IL1RAPL1: variants seen among roughly 807,000 people sequenced by gnomAD.
The protein encoded by IL1RAPL1 is interleukin 1 receptor accessory protein like 1.
A neutral mutation model predicts 48.4 loss-of-function variants in IL1RAPL1; 3 were observed. The observed-to-expected ratio is 0.06, with a 90% confidence interval of 0.03 to 0.16. The LOEUF is 0.16. Among genes scored for constraint, IL1RAPL1 ranks in the 10% least tolerant of loss-of-function variants. The pLI, the probability that IL1RAPL1 is intolerant of heterozygous loss-of-function variation, is 1.00. For synonymous variants in IL1RAPL1, 185 were observed against 187.7 expected, an observed-to-expected ratio of 0.99 and a Z score of 0.12; for missense variants, 349 against 530.6, an observed-to-expected ratio of 0.66 and a Z score of 3.36.
intron 6 of IL1RAPL1, among the ~76,000 whole-genome samples, chrX:29,857,601 C>G (rs1230222492): frequency 4.5e-5 from 5 of 111,912 alleles, no homozygotes; most frequent in Admixed American, 9.5e-5. Flanking sequence ...AAATTGAATA[C>G]CTTGCAAGGG....
chrX:29,748,243 C>T (rs937718990), intron 6 of IL1RAPL1, among the ~76,000 whole-genome samples: 16 of 111,896 alleles, frequency 1.4e-4, no homozygotes, highest in Non-Finnish European at 2.3e-4. Flanking sequence ...GTATAATGGA[C>T]AGATCATTCA....
At chrX:29,354,732 T>C (rs1443364330) in intron 3 of IL1RAPL1, among the ~76,000 whole-genome samples, 1 of 112,326 alleles carries the variant, frequency 8.9e-6, no homozygotes, top group African/African-American at 3.2e-5. Flanking sequence ...AGTCAAACCA[T>C]CATAAGTCCA....
chrX:28,595,907 A>G (rs1933948168), intron 1 of IL1RAPL1, among the ~76,000 whole-genome samples: 1 of 111,382 alleles, frequency 9.0e-6, no homozygotes, highest in African/African-American at 3.3e-5. Flanking sequence ...AATGCATTCA[A>G]GGGATCTCTA....
At chrX:29,697,453 A>G (rs1288288058) in intron 6 of IL1RAPL1, among the ~76,000 whole-genome samples, 1 of 112,111 alleles carries the variant, frequency 8.9e-6, no homozygotes, top group East Asian at 2.8e-4. Flanking sequence ...TGTTTCCACA[A>G]TGTTTTTAAC....
At chrX:29,420,949 A>G (rs1379663704) in intron 5 of IL1RAPL1, among the ~76,000 whole-genome samples, 1 of 112,111 alleles carries the variant, frequency 8.9e-6, no homozygotes, top group Non-Finnish European at 1.9e-5. Context: ...AATTCTGATG[A>G]TAGGGTTTTC....
intron 3 of IL1RAPL1, among the ~76,000 whole-genome samples, chrX:29,391,667 CT>C (rs1367923008): frequency 2.5e-4 from 28 of 111,662 alleles, no homozygotes; most frequent in African/African-American, 8.8e-4. Flanking sequence ...TTATTTTAGA[CT>C]GTAAAGTAAA....
At chrX:29,908,371 CAA>C (rs1179659537) in intron 6 of IL1RAPL1, among the ~76,000 whole-genome samples, 2 of 79,110 alleles carry the variant, frequency 2.5e-5, no homozygotes, top group African/African-American at 8.4e-5. Context: ...GACCCCATTT[CAA>C]AAATATATAT....
At chrX:29,435,905 T>A (rs975792669) in intron 5 of IL1RAPL1, among the ~76,000 whole-genome samples, 1 of 110,753 alleles carries the variant, frequency 9.0e-6, no homozygotes, top group Non-Finnish European at 1.9e-5. Flanking sequence ...AAGTCTAGTA[T>A]CTAAAGTACT....
intron 1 of IL1RAPL1, among the ~76,000 whole-genome samples, chrX:28,725,232 G>C (rs1316261909): frequency 2.7e-5 from 3 of 110,918 alleles, no homozygotes; most frequent in Non-Finnish European, 5.7e-5. Flanking sequence ...TTACAGGCAT[G>C]AGCCACCATG....
intron 2 of IL1RAPL1, among the ~76,000 whole-genome samples, chrX:28,913,214 G>C (rs1031558683): frequency 9.0e-6 from 1 of 111,605 alleles, no homozygotes; most frequent in Non-Finnish European, 1.9e-5. Flanking sequence ...TGGGTATTTT[G>C]GAGATAATTA....
intron 8 of IL1RAPL1, among the ~76,000 whole-genome samples, chrX:29,932,134 T>TTC (rs1932957706): frequency 8.9e-6 from 1 of 112,183 alleles, no homozygotes; most frequent in Non-Finnish European, 1.9e-5. Context: ...AGATCTGAGA[T>TTC]AAAGGAAGCC....
chrX:29,935,360 G>C (rs1049538509), intron 8 of IL1RAPL1, among the ~76,000 whole-genome samples: 3 of 111,133 alleles, frequency 2.7e-5, no homozygotes, highest in Non-Finnish European at 5.7e-5. Context: ...TTATTATTAT[G>C]ATGGCTGAAA....
At chrX:29,115,284 G>A (rs1014549540) in intron 2 of IL1RAPL1, among the ~76,000 whole-genome samples, 3 of 111,455 alleles carry the variant, frequency 2.7e-5, no homozygotes, top group African/African-American at 9.8e-5. Context: ...ATTTGGAAAC[G>A]TGATTTTTGC....
At chrX:29,049,462 G>A (rs1312737728) in intron 2 of IL1RAPL1, among the ~76,000 whole-genome samples, 12 of 112,205 alleles carry the variant, frequency 1.1e-4, no homozygotes, top group Admixed American at 9.5e-4. Flanking sequence ...TAAGGAGGGT[G>A]AGGTAAGAAG....
At chrX:29,496,633 A>T (rs1935217302) in intron 5 of IL1RAPL1, among the ~76,000 whole-genome samples, 1 of 110,912 alleles carries the variant, frequency 9.0e-6, no homozygotes, top group Non-Finnish European at 1.9e-5. Context: ...TTTTCAGTAT[A>T]AATTACCCAG....
At chrX:29,356,240 A>G (rs1933300078) in intron 3 of IL1RAPL1, among the ~76,000 whole-genome samples, 1 of 110,683 alleles carries the variant, frequency 9.0e-6, no homozygotes, top group Non-Finnish European at 1.9e-5. Flanking sequence ...ATATGTGTGT[A>G]CACGTGTGTA....
At chrX:28,765,830 G>A (rs763619694) in intron 1 of IL1RAPL1, among the ~76,000 whole-genome samples, 2 of 111,987 alleles carry the variant, frequency 1.8e-5, no homozygotes, top group South Asian at 3.7e-4. Flanking sequence ...ACACATGGAC[G>A]TGTTTATTAA....
chrX:29,875,820 C>G (rs1031806880), intron 6 of IL1RAPL1, among the ~76,000 whole-genome samples: 1 of 112,023 alleles, frequency 8.9e-6, no homozygotes, highest in South Asian at 3.8e-4. Flanking sequence ...TGAGTATAAT[C>G]TGACACTTTT....
chrX:29,900,097 CAAACTTCTGCCTGAAA>C (rs898305844), intron 6 of IL1RAPL1, among the ~76,000 whole-genome samples: 2 of 111,408 alleles, frequency 1.8e-5, no homozygotes, highest in African/African-American at 6.5e-5. Flanking sequence ...ACAAGCAGAG[CAAACTTCTGCCTGAAA>C]AACAAGCAGT....
Sources: gnomAD v4.1 joint callset for allele counts (sites outside exome capture counted in the v4.1 genomes callset) on GRCh38, gnomAD v4.1.1 for gene constraint, MANE v1.5 for transcripts, NCBI Gene and HGNC (gene_info 2026-07-23, HGNC 2026-07-21) for gene names.